Variants in SAMD5 observed in about 807,000 individuals in gnomAD.
SAMD5 encodes sterile alpha motif domain-containing protein 5.
A neutral mutation model predicts 11.3 loss-of-function variants in SAMD5; 13 were observed. The observed-to-expected ratio is 1.15, with a 90% CI of 0.75 to 1.83. The LOEUF (loss-of-function observed/expected upper bound fraction) is 1.83. Ranked by LOEUF, SAMD5 falls within the 40% of genes most tolerant of loss-of-function variation. The pLI is 0.00. For synonymous variants in SAMD5, 129 were observed against 111.3 expected, an observed-to-expected ratio of 1.16 and a Z score of -1.00; for missense variants, 255 against 239.1, an observed-to-expected ratio of 1.07 and a Z score of -0.44.
intron 1 of SAMD5, among the ~76,000 whole-genome samples, chr6:147,669,780 A>G (rs192634107): frequency 6.6e-6 from 1 of 152,232 alleles, no homozygotes. Context: ...CACATCTGCA[A>G]TTACTTTCTC....
At chr6:147,876,788 G>A in the SAMD5 span, among the ~76,000 whole-genome samples, 1 of 152,112 alleles carries the variant, frequency 6.6e-6, no homozygotes, top group Non-Finnish European at 1.5e-5. Context: ...ACTACCATTA[G>A]AAAATGGAAT....
chr6:147,663,805 A>AT (rs1219279063), intron 1 of SAMD5, among the ~76,000 whole-genome samples: 1 of 140,186 alleles, frequency 7.1e-6, no homozygotes, highest in Non-Finnish European at 1.6e-5. Context: ...AAAAAAAAAA[A>AT]AAAAAAAGAG....
chr6:147,886,229 G>A, the SAMD5 span, among the ~76,000 whole-genome samples: 31,110 of 152,016 alleles, frequency 0.2, 3,623 homozygotes, highest in Non-Finnish European at 0.27. Flanking sequence ...CAGCTCTGCC[G>A]ATGCCAAAAT....
chr6:147,623,200 G>A (rs1177473654), intron 1 of SAMD5, among the ~76,000 whole-genome samples: 2 of 152,180 alleles, frequency 1.3e-5, no homozygotes, highest in African/African-American at 4.8e-5. Context: ...GTGTTGTGGG[G>A]GAGGAAAGGG....
At chr6:147,722,929 A>C (rs1253366763) in intron 1 of SAMD5, among the ~76,000 whole-genome samples, 1 of 152,156 alleles carries the variant, frequency 6.6e-6, no homozygotes, top group Admixed American at 6.5e-5. Context: ...TGGACTTCGA[A>C]TTCTTCCAGC....
the SAMD5 span, among the ~76,000 whole-genome samples, chr6:147,742,562 C>T: frequency 1.3e-5 from 2 of 152,100 alleles, no homozygotes; most frequent in Non-Finnish European, 1.5e-5. Flanking sequence ...CTAGAATGGA[C>T]TTTGACTTTT....
chr6:147,919,769 T>C, the SAMD5 span, among the ~76,000 whole-genome samples: 9 of 152,184 alleles, frequency 5.9e-5, no homozygotes, highest in Non-Finnish European at 8.8e-5. Flanking sequence ...ATGAGTATCA[T>C]TCAAGGGATG....
At chr6:147,816,291 A>T in the SAMD5 span, among the ~76,000 whole-genome samples, 2 of 92,456 alleles carry the variant, frequency 2.2e-5, no homozygotes, top group African/African-American at 1.1e-4. Context: ...CAAAAAAAAA[A>T]AAAAAAAAAA....
intron 1 of SAMD5, among the ~76,000 whole-genome samples, chr6:147,629,590 T>C (rs1790109869): frequency 6.6e-6 from 1 of 152,200 alleles, no homozygotes; most frequent in Non-Finnish European, 1.5e-5. Context: ...AAGGATACTA[T>C]CTAGGACAGG....
chr6:147,944,964 A>C, the SAMD5 span, among the ~76,000 whole-genome samples: 1 of 152,120 alleles, frequency 6.6e-6, no homozygotes, highest in African/African-American at 2.4e-5. Context: ...TGTCTTATAC[A>C]TCCTAAGACA....
At chr6:147,572,300 G>C (rs1789148847), downstream of SAMD5, among the ~76,000 whole-genome samples, 1 of 151,946 alleles carries the variant, frequency 6.6e-6, no homozygotes, top group Non-Finnish European at 1.5e-5. Context: ...TCTCCTTTTT[G>C]GAAGTTCACT....
At chr6:147,909,633 T>TTTCTTC in the SAMD5 span, among the ~76,000 whole-genome samples, 2 of 31,220 alleles carry the variant, frequency 6.4e-5, no homozygotes, top group African/African-American at 5.2e-4. Context: ...TCTTTCTTTC[T>TTTCTTC]CTTTCTTGTC....
At chr6:147,613,329 G>C (rs944902473) in intron 1 of SAMD5, among the ~76,000 whole-genome samples, 3 of 151,774 alleles carry the variant, frequency 2.0e-5, no homozygotes, top group South Asian at 2.1e-4. Context: ...TTGAGCCCCT[G>C]ATCCTCTTAA....
the SAMD5 span, among the ~76,000 whole-genome samples, chr6:147,858,227 G>A: frequency 0.062 from 9,418 of 152,018 alleles, 956 homozygotes; most frequent in African/African-American, 0.21. Context: ...TGTTGCCTGC[G>A]CATATTGCCA....
chr6:147,548,284 A>G (rs1374712674), intron 1 of SAMD5, among the ~76,000 whole-genome samples: 1 of 152,188 alleles, frequency 6.6e-6, no homozygotes, highest in African/African-American at 2.4e-5. Context: ...ATGGTTTAAT[A>G]GTTTTTGTAC....
chr6:147,749,336 A>AT, the SAMD5 span, among the ~76,000 whole-genome samples: 1 of 151,780 alleles, frequency 6.6e-6, no homozygotes, highest in Non-Finnish European at 1.5e-5. Flanking sequence ...TGCCTGGCTA[A>AT]TTTTTGTATT....
chr6:147,794,173 G>A, the SAMD5 span, among the ~76,000 whole-genome samples: 3 of 152,052 alleles, frequency 2.0e-5, no homozygotes, highest in Admixed American at 1.3e-4. Flanking sequence ...GAATATTTAA[G>A]ATATTCAAAT....
chr6:147,624,236 C>T (rs958231268), intron 1 of SAMD5, among the ~76,000 whole-genome samples: 1 of 152,150 alleles, frequency 6.6e-6, no homozygotes, highest in Non-Finnish European at 1.5e-5. Context: ...TTGTAACTAA[C>T]TTAACAGTGG....
At chr6:147,562,594 G>A (rs369330346) in intron 1 of SAMD5, among the ~76,000 whole-genome samples, 2 of 152,004 alleles carry the variant, frequency 1.3e-5, no homozygotes, top group Admixed American at 6.6e-5. Flanking sequence ...AGGCTGAGGC[G>A]GGTGGATCAC....
Sources: gnomAD v4.1 joint callset for allele counts (sites outside exome capture counted in the v4.1 genomes callset) on GRCh38, gnomAD v4.1.1 for gene constraint, MANE v1.5 for transcripts, NCBI Gene and HGNC (gene_info 2026-07-23, HGNC 2026-07-21) for gene names.